LMTK3: variants seen among roughly 807,000 people sequenced by gnomAD.
LMTK3 encodes the protein serine/threonine-protein kinase LMTK3.
In LMTK3, 27 loss-of-function variants were observed where a neutral mutation model predicts 116.7. The ratio of observed to expected loss-of-function variants is 0.23; its 90% CI spans 0.17 to 0.32. LMTK3 has a LOEUF of 0.32. Ranked by LOEUF, LMTK3 falls within the 10% of genes least tolerant of loss-of-function variation. The probability of loss-of-function intolerance (pLI) is 1.00; values close to 1 mark genes in which losing one functional copy is unlikely to be tolerated. For missense variants in LMTK3, 1,764 were observed against 2,068.5 expected (o/e 0.85, Z 2.86); for synonymous variants, 965 against 971.0 (o/e 0.99, Z 0.11).
rs1444731192 is a variant in LMTK3, at chr19:48,511,796, G to A, written c.-220C>T. ...CAGACGGATGAAGGGATGGAGAGGC[G>A]GACAGAGGAGAGATGCTGGGGAGCC... is the stretch of plus-strand genomic sequence containing the variant. On this transcript the variant is annotated 5_prime_UTR_variant, in exon 1 of 15. Transcript: ENST00000600059. 3 of 153,296 alleles carry A rather than the reference G, an allele frequency of 2.0e-5. No homozygotes were observed. The highest frequency in any genetic ancestry group is 2.7e-5 in the Non-Finnish European group (2 of 73,194). 9.5% of individuals were successfully genotyped at this position (153,296 alleles called of 1,614,324 possible). A position where few individuals can be genotyped will look rare whatever the true frequency, so the allele number is the denominator to read the frequency against.
chr19:48,498,514 G>A lies in LMTK3; in HGVS notation c.2555C>T (p.Thr852Ile). ...LPLPGPREKPTFVVQVSTEQL... is the reference protein window; with the variant it reads ...LPLPGPREKPIFVVQVSTEQL... The stretch of plus-strand genomic sequence containing the variant: ...TTCCGTGCTCACTTGAACCACGAAG[G>A]TCGGCTTCTCCCGGGGCCCCGGGAG... Residue 852 changes from threonine (T) to isoleucine (I), a missense_variant, in exon 11 of 15, where the codon ACC (threonine) becomes ATC (isoleucine). Around this residue, in one of 7 missense-constraint regions of LMTK3, gnomAD observed 1,028 missense variants for 1,050.6 expected, o/e 0.98. Coordinates refer to ENST00000600059, the MANE Select transcript of LMTK3 (RefSeq NM_001388485.1). 6.3e-7 allele frequency: 1 copy of A among 1,585,110 alleles called. No homozygotes were observed. Among genetic ancestry groups the A allele is most frequent in the Admixed American group, 1.8e-5 (1 of 56,446 alleles).
chr19:48,485,770 G>GA lies in LMTK3; in HGVS notation c.*2dup. On this transcript the variant is annotated 3_prime_UTR_variant, in exon 15 of 15. Transcript: ENST00000600059. Reference sequence around the variant, plus strand: ...GGTGCAGCGGGGTCGGGTCTTCGGGGAATCAATTCTCCACGGGGCCTGAGG... The same window carrying GA: ...GGTGCAGCGGGGTCGGGTCTTCGGGGAAATCAATTCTCCACGGGGCCTGAGG... 1 of 1,610,770 alleles carries GA rather than the reference G, an allele frequency of 6.2e-7. No homozygotes were observed. The highest frequency in any genetic ancestry group is 8.5e-7 in the Non-Finnish European group (1 of 1,178,728).
chr19:48,485,507 G>C lies in LMTK3; in HGVS notation c.*266C>G. 1 of 500,340 alleles carries C rather than the reference G, an allele frequency of 2.0e-6. No homozygotes were observed. Among genetic ancestry groups the C allele is most frequent in the African/African-American group, 2.0e-5 (1 of 49,464 alleles). 31.0% of individuals were successfully genotyped at this position (500,340 alleles called of 1,614,324 possible). A position where few individuals can be genotyped will look rare whatever the true frequency, so the allele number is the denominator to read the frequency against. Reference sequence around the variant, plus strand: ...AGTTCAGTTCAGTTCCGAGAAAGGCGGCTCTCTATGGAGGGGCGGGGGGAT... The same window carrying C: ...AGTTCAGTTCAGTTCCGAGAAAGGCCGCTCTCTATGGAGGGGCGGGGGGAT... On this transcript the variant is annotated 3_prime_UTR_variant, in exon 15 of 15. Coordinates refer to ENST00000600059, the MANE Select transcript of LMTK3 (RefSeq NM_001388485.1).
intron 11 of LMTK3, among the ~76,000 whole-genome samples, chr19:48,495,784 G>A (rs759615894): frequency 1.3e-5 from 2 of 152,226 alleles, no homozygotes; most frequent in Non-Finnish European, 2.9e-5. Context: ...TAAAGAAGTT[G>A]CGCCTCCCAG....
Position 48,502,945 on chromosome 19 carries a change from C to T in LMTK3, c.609G>A (p.Thr203=), listed in dbSNP as rs56106717. Residue 203 remains threonine (T), a synonymous_variant, in exon 6 of 15, where the codon ACG becomes ACA. Coordinates refer to ENST00000600059, the MANE Select transcript of LMTK3 (RefSeq NM_001388485.1). ...ACTCCATAATCAGCAGAAACGGCAG[C>T]GTCTCCACGCACAGACCCAGGCACT... ...VLQCLGLCVE[T]LPFLLIMEFC... The T allele has an allele frequency of 8.3e-4, 1,332 of 1,613,200 alleles. 12 individuals are homozygous for T. The African/African-American group carries it at 0.016, about 20-fold the overall frequency.
Position 48,498,601 on chromosome 19 carries a change from G to T in LMTK3, c.2468C>A (p.Ala823Asp). The T allele has an allele frequency of 6.5e-7, 1 of 1,546,798 alleles. No individual in the cohort carries two copies. The highest frequency in any genetic ancestry group is 1.4e-5 in the African/African-American group (1 of 72,488). ...TCCTGGGTCGGGTGGCTCGGGGGGA[G>T]CCCGCGGCCGAGGGACCCCTTCCTC... ...AEEEGVPRPR[A>D]PPEPPDPGAP... The change falls in exon 11 of 15, where the codon GCT (alanine) becomes GAT (aspartate). Residue 823 changes from alanine to aspartate, a missense_variant. By Grantham distance (126) the Ala-to-Asp change is moderately radical (BLOSUM62 -2). Coordinates refer to ENST00000600059, the MANE Select transcript of LMTK3 (RefSeq NM_001388485.1).
chr19:48,510,625 T>C (rs1028700368), intron 1 of LMTK3, 33 bp from the exon 2 acceptor site: 24 of 1,510,430 alleles, frequency 1.6e-5, no homozygotes, highest in Non-Finnish European at 1.9e-5. Context: ...GGGTCCCAGC[T>C]TCAAGTCCCT....
Position 48,498,409 on chromosome 19 carries a change from G to C in LMTK3, c.2660C>G (p.Pro887Arg), listed in dbSNP as rs1207053237. Reference protein sequence around the residue: ...EKGATARETGPRKAGRGPGNR... With the variant: ...EKGATARETGRRKAGRGPGNR... ...CCCGGGGCCTCTCCCCGCCTTCCTG[G>C]GTCCTGTCTCCCGGGCTGTCGCCCC... Residue 887 changes from proline (P) to arginine (R), a missense_variant, in exon 11 of 15, where the codon CCC becomes CGC. Pro to Arg is a moderately radical substitution (Grantham distance 103). Transcript: ENST00000600059. The C allele has an allele frequency of 3.1e-6, 5 of 1,610,454 alleles. No homozygotes were observed. Among genetic ancestry groups the C allele is most frequent in the Non-Finnish European group, 4.2e-6 (5 of 1,178,578 alleles).
chr19:48,507,035 G>A (rs1287696090), intron 5 of LMTK3, among the ~76,000 whole-genome samples: 1 of 152,170 alleles, frequency 6.6e-6, no homozygotes, highest in Non-Finnish European at 1.5e-5. Context: ...CAGGCAGTCT[G>A]CCCGCCTTGG....
chr19:48,501,104 G>T lies in LMTK3; in HGVS notation c.1043C>A (p.Ala348Asp). 2 of 1,600,440 alleles carry T rather than the reference G, an allele frequency of 1.2e-6. No homozygotes were observed. The highest frequency in any genetic ancestry group is 2.3e-5 in the East Asian group (1 of 44,008). The part of the protein sequence containing the change: ...VTLWELFEFG[A>D]QPYRHLSDEE... ...GTCTGACAGGTGGCGGTAGGGCTGG[G>T]CCCCAAACTCAAACAGCTCCCACAG... Residue 348 changes from alanine (A) to aspartate (D), a missense_variant, in exon 10 of 15, where the codon GCC becomes GAC. Ala to Asp is a moderately radical substitution (Grantham distance 126). Around this residue, in one of 7 missense-constraint regions of LMTK3, gnomAD observed 271 missense variants for 478.2 expected, o/e 0.57. Coordinates refer to ENST00000600059, the MANE Select transcript of LMTK3 (RefSeq NM_001388485.1).
Position 48,502,373 on chromosome 19 carries a change from G to C in LMTK3, c.794+60C>G, listed in dbSNP as rs990525629. 1.9e-6 allele frequency: 3 copies of C among 1,563,834 alleles called. No individual in the cohort carries two copies. In the African/African-American group the frequency reaches 4.1e-5, roughly 21 times the overall value. ...CCCCCCCTCTAGCCCCTCCCCTGAG[G>C]CCTCACCTCCTTCCCCCTTCCCCTT... On this transcript the variant is annotated intron_variant, in intron 7 of 14. Transcript: ENST00000600059.
chr19:48,497,780 C>G lies in LMTK3; in HGVS notation c.3289G>C (p.Gly1097Arg). 1 of 1,378,264 alleles carries G rather than the reference C, an allele frequency of 7.3e-7. No individual in the cohort carries two copies. The highest frequency in any genetic ancestry group is 9.3e-7 in the Non-Finnish European group (1 of 1,071,810). 85.4% of individuals were successfully genotyped at this position (1,378,264 alleles called of 1,614,324 possible). ...CCAGCCCCTGGGGCTCTCGGCGCCC[C>G]CCCAGTCTCGGGGGCTCTCCTCTCG... ...GTERRAPETG[G>R]APRAPGAGRL... Residue 1097 changes from glycine (G) to arginine (R), a missense_variant, in exon 11 of 15, where the codon GGG becomes CGG. By Grantham distance (125) the Gly-to-Arg change is moderately radical. Coordinates refer to ENST00000600059, the MANE Select transcript of LMTK3 (RefSeq NM_001388485.1). The surrounding 1 kb of genome is among the most constrained non-coding windows in gnomAD (Gnocchi z 5.7).
Position 48,491,468 on chromosome 19 carries a change from C to A in LMTK3, c.4164G>T (p.Ala1388=), listed in dbSNP as rs1028391750. 7.1e-7 allele frequency: 1 copy of A among 1,412,468 alleles called. No individual in the cohort carries two copies. The highest frequency in any genetic ancestry group is 9.2e-7 in the Non-Finnish European group (1 of 1,083,908). The allele number at this position is 1,412,468 out of a possible 1,614,324, so 87.5% of individuals were successfully genotyped here. The change falls in exon 13 of 15, where the codon GCG becomes GCT. Residue 1388 remains alanine (A), a synonymous_variant. Coordinates refer to ENST00000600059, the MANE Select transcript of LMTK3 (RefSeq NM_001388485.1). The surrounding 1 kb of genome is among the most constrained non-coding windows in gnomAD (Gnocchi z 5.1). The part of the protein sequence containing the change: ...EGDTDPSTPP[A]PPTPPHPATP... ...TGGCGGGGTGGGGAGGTGTCGGGGG[C>A]GCTGGAGGCGTTGACGGGTCCGTGT...
intron 7 of LMTK3, 64 bp downstream of exon 7, chr19:48,502,369 T>G: frequency 8.1e-6 from 7 of 865,902 alleles, no homozygotes; most frequent in South Asian, 1.4e-5. Context: ...GCCCCTCCCC[T>G]GAGGCCTCAC....
At position 48,498,578 on chromosome 19, in the gene LMTK3, C is replaced by T; in HGVS notation, c.2491G>A (p.Gly831Arg). 2 of 1,554,562 alleles carry T rather than the reference C, an allele frequency of 1.3e-6. No homozygotes were observed. The highest frequency in any genetic ancestry group is 2.4e-5 in the South Asian group (2 of 84,672). ...PRAPPEPPDPGAPRPPPDPGP... is the reference protein window; with the variant it reads ...PRAPPEPPDPRAPRPPPDPGP... ...GGGTCTGGAGGTGGCCGGGGCGCTCCTGGGTCGGGTGGCTCGGGGGGAGCC... is the reference window on the plus strand; with the variant it reads ...GGGTCTGGAGGTGGCCGGGGCGCTCTTGGGTCGGGTGGCTCGGGGGGAGCC... Residue 831 changes from glycine to arginine, a missense_variant, in exon 11 of 15, where the codon GGA becomes AGA. By Grantham distance (125) the Gly-to-Arg change is moderately radical (BLOSUM62 -2). Coordinates refer to ENST00000600059, the MANE Select transcript of LMTK3 (RefSeq NM_001388485.1).
chr19:48,512,630 GAC>G (rs900422255), upstream of LMTK3, among the ~76,000 whole-genome samples: 9 of 151,810 alleles, frequency 5.9e-5, no homozygotes, highest in African/African-American at 1.9e-4. Context: ...GCTACACAGA[GAC>G]AGGCACATCA....
upstream of LMTK3, chr19:48,513,235 GAGTATTT>G: frequency 7.1e-7 from 1 of 1,401,698 alleles, no homozygotes; most frequent in South Asian, 1.2e-5. This position sits in a 1 kb window ranked among gnomAD's most constrained non-coding sequence, Gnocchi z 5.6. Flanking sequence ...TTATTCTTAT[GAGTATTT>G]AGTCTGTGCC....
rs751260723 is a variant in LMTK3, at chr19:48,498,354, C to T, written c.2715G>A (p.Arg905=). ...TCCCGTTGCCCAGGACTGTCGGGTC[C>T]CTGTTCAGGCCCGGGACTTTCTCTC... The part of the protein sequence containing the change: ...GNREKVPGLN[R]DPTVLGNGKQ... Residue 905 remains arginine (R), a synonymous_variant, in exon 11 of 15, where the codon AGG becomes AGA. Coordinates refer to ENST00000600059, the MANE Select transcript of LMTK3 (RefSeq NM_001388485.1). The T allele has an allele frequency of 9.3e-6, 15 of 1,613,026 alleles. No individual in the cohort carries two copies. Among genetic ancestry groups the T allele is most frequent in the African/African-American group, 1.3e-5 (1 of 74,876 alleles).
Position 48,500,996 on chromosome 19 carries a change from C to A in LMTK3, c.1151G>T (p.Trp384Leu). ...PRLKLPYADY[W>L]YDILQSCWRP... The stretch of plus-strand genomic sequence containing the variant: ...GAGCCCCGGGTGGGCTAGCCCTCAC[C>A]AGTAGTCCGCGTAAGGCAGCTTGAG... The change falls in exon 10 of 15, where the codon TGG becomes TTG. Residue 384 changes from tryptophan to leucine, a missense_variant and splice_region_variant. Around this residue, in one of 7 missense-constraint regions of LMTK3, gnomAD observed 271 missense variants for 478.2 expected, o/e 0.57. Coordinates refer to ENST00000600059, the MANE Select transcript of LMTK3 (RefSeq NM_001388485.1). This position sits in a 1 kb window ranked among gnomAD's most constrained non-coding sequence, Gnocchi z 4.0. The A allele has an allele frequency of 6.6e-7, 1 of 1,511,208 alleles. No homozygotes were observed. Among genetic ancestry groups the A allele is most frequent in the Non-Finnish European group, 8.8e-7 (1 of 1,133,354 alleles). 93.6% of individuals were successfully genotyped at this position (1,511,208 alleles called of 1,614,324 possible). A position where few individuals can be genotyped will look rare whatever the true frequency, so the allele number is the denominator to read the frequency against.
Sources: gnomAD v4.1 joint callset for allele counts (sites outside exome capture counted in the v4.1 genomes callset) on GRCh38, gnomAD v4.1.1 for gene constraint, gnomAD v4.1.1 regional missense constraint, Gnocchi (gnomAD v3.1) non-coding constraint, MANE v1.5 for transcripts, NCBI Gene and HGNC (gene_info 2026-07-23, HGNC 2026-07-21) for gene names.